Variants in CTNND2 observed in about 807,000 individuals in gnomAD.
The protein encoded by CTNND2 is catenin delta-2.
In CTNND2, 22 loss-of-function variants were observed where a neutral mutation model predicts 144.4. The ratio of observed to expected loss-of-function variants is 0.15; its 90% CI spans 0.11 to 0.22. The LOEUF is 0.22. CTNND2 is among the 10% of genes least tolerant of loss of function. CTNND2 has a pLI of 1.00. For missense variants in CTNND2, 1,353 were observed against 1,618.8 expected, an observed-to-expected ratio of 0.84 and a Z score of 2.82; for synonymous variants, 751 against 695.6, an observed-to-expected ratio of 1.08 and a Z score of -1.25.
chr5:11,275,726 C>A (rs369534822), intron 9 of CTNND2, among the ~76,000 whole-genome samples: 9 of 152,308 alleles, frequency 5.9e-5, no homozygotes, highest in African/African-American at 2.2e-4. Context: ...TCAAGGGAAG[C>A]AAGACTTTGA....
At chr5:11,522,713 T>C (rs1772853600) in intron 3 of CTNND2, among the ~76,000 whole-genome samples, 1 of 152,194 alleles carries the variant, frequency 6.6e-6, no homozygotes, top group Admixed American at 6.5e-5. Flanking sequence ...CATGACAAGA[T>C]GGCAGACAGG....
chr5:11,511,355 C>T (rs375936655), intron 3 of CTNND2, among the ~76,000 whole-genome samples: 1 of 152,122 alleles, frequency 6.6e-6, no homozygotes, highest in African/African-American at 2.4e-5. Flanking sequence ...GATCCAGAGT[C>T]CTGGCTCTGG....
rs141998600 is a variant in CTNND2 at position 11,168,107 on chromosome 5, T to A, written c.1976-8348A>T. Among the ~76,000 whole-genome samples the A allele has an allele frequency of 9.8e-5, 15 of 152,292 alleles. 1 individual carries two copies. The highest frequency in any genetic ancestry group is 7.2e-4 in the Admixed American group (11 of 15,296). On this transcript the variant is annotated intron_variant, in intron 11 of 21. Transcript: ENST00000304623. ...TCAGTTAATATTACAGACAAAAGACTATAATTGACTGATTTTTTTAAAAAT... is the reference window on the plus strand; with the variant it reads ...TCAGTTAATATTACAGACAAAAGACAATAATTGACTGATTTTTTTAAAAAT...
chr5:11,392,278 T>C (rs1373777722), intron 6 of CTNND2, among the ~76,000 whole-genome samples: 1 of 152,178 alleles, frequency 6.6e-6, no homozygotes, highest in Non-Finnish European at 1.5e-5. Flanking sequence ...TATCAGTAAA[T>C]GTTCTGAAAA....
At chr5:11,360,028 A>C (rs1209096683) in intron 8 of CTNND2, among the ~76,000 whole-genome samples, 1 of 152,144 alleles carries the variant, frequency 6.6e-6, no homozygotes, top group Non-Finnish European at 1.5e-5. Context: ...CATTATGGCT[A>C]GGTAGCTTTT....
At chr5:11,209,651 T>C (rs1163398646) in intron 10 of CTNND2, among the ~76,000 whole-genome samples, 1 of 152,196 alleles carries the variant, frequency 6.6e-6, no homozygotes, top group Non-Finnish European at 1.5e-5. Flanking sequence ...AGATATAAGA[T>C]ACTGCTTCAG....
intron 2 of CTNND2, among the ~76,000 whole-genome samples, chr5:11,580,444 A>T (rs1229903716): frequency 6.6e-6 from 1 of 152,240 alleles, no homozygotes; most frequent in Non-Finnish European, 1.5e-5. Flanking sequence ...CAAAATTCAC[A>T]TCTTACCTGC....
chr5:11,578,506 C>G lies in CTNND2; in HGVS notation c.175-13450G>C, dbSNP rs80110423. On this transcript the variant is annotated intron_variant, in intron 2 of 21. Transcript: ENST00000304623. ...TGAAACCCCGTCTCTACTAAAAATA[C>G]AAAAATTAGCCAGGCACGGTGGCAC... Among the ~76,000 whole-genome samples the G allele has an allele frequency of 7.2e-5, 11 of 151,986 alleles. No individual in the cohort carries two copies. In the East Asian group the frequency reaches 1.9e-3, roughly 27 times the overall value.
chr5:11,780,847 A>G (rs1283392058), intron 1 of CTNND2, among the ~76,000 whole-genome samples: 1 of 152,214 alleles, frequency 6.6e-6, no homozygotes, highest in Admixed American at 6.5e-5. Context: ...AATCCTGAGC[A>G]GTGACACAAC....
At chr5:11,058,263 G>A (rs1254651324) in intron 16 of CTNND2, among the ~76,000 whole-genome samples, 1 of 152,214 alleles carries the variant, frequency 6.6e-6, no homozygotes, top group South Asian at 2.1e-4. Context: ...CCACAGGCCT[G>A]GAGGCCTAGG....
At chr5:11,557,808 A>G (rs975619822) in intron 3 of CTNND2, among the ~76,000 whole-genome samples, 6 of 152,200 alleles carry the variant, frequency 3.9e-5, no homozygotes, top group African/African-American at 1.4e-4. Flanking sequence ...GCCTACCTCA[A>G]GCAGCAACGA....
At position 11,090,855 on chromosome 5, in the gene CTNND2, C is replaced by T. The variant is rs111235682; in HGVS notation, c.2637+7720G>A. The stretch of plus-strand genomic sequence containing the variant: ...TGCTGCCTCCCTGTCTTCTCACTGG[C>T]GTTGTTGCTGATAAGAAATCTGCGG... On this transcript the variant is annotated intron_variant, in intron 15 of 21. Transcript: ENST00000304623. Among the ~76,000 whole-genome samples, 1,376 of 151,612 alleles carry T rather than the reference C, an allele frequency of 9.1e-3. 9 individuals carry two copies. Among genetic ancestry groups the T allele is most frequent in the Middle Eastern group, 0.034 (10 of 294 alleles).
At chr5:11,441,552 T>A (rs1038952845) in intron 3 of CTNND2, among the ~76,000 whole-genome samples, 22 of 151,566 alleles carry the variant, frequency 1.5e-4, no homozygotes, top group Middle Eastern at 3.4e-3. Flanking sequence ...CTAATTTTTT[T>A]TTTTTATTTT....
In CTNND2 at chr5:11,299,108, G is replaced by A. The variant is rs569831089; in HGVS notation, c.1628+47264C>T. The stretch of plus-strand genomic sequence containing the variant: ...TATTAGATAATAAAATGATAGTGAC[G>A]CATATCAGTCACCTCTTTAGGCTAC... On this transcript the variant is annotated intron_variant, in intron 9 of 21. Coordinates refer to ENST00000304623, the MANE Select transcript of CTNND2 (RefSeq NM_001332.4). 2.0e-4 allele frequency among the ~76,000 whole-genome samples: 30 copies of A among 152,190 alleles called. 1 individual carries two copies. Among genetic ancestry groups the A allele is most frequent in the Middle Eastern group, 6.8e-3 (2 of 294 alleles).
intron 10 of CTNND2, among the ~76,000 whole-genome samples, chr5:11,225,155 C>T (rs796904470): frequency 2.0e-5 from 3 of 152,316 alleles, no homozygotes; most frequent in African/African-American, 7.2e-5. Flanking sequence ...GTGACCACCA[C>T]ATTCTGGAAA....
intron 11 of CTNND2, among the ~76,000 whole-genome samples, chr5:11,172,907 TAC>T (rs1156432266): frequency 1.3e-5 from 2 of 152,210 alleles, no homozygotes; most frequent in Non-Finnish European, 2.9e-5. Flanking sequence ...GCAAGGACTA[TAC>T]AGTGGAAGTG....
At chr5:11,157,628 C>T (rs1758343656) in intron 12 of CTNND2, among the ~76,000 whole-genome samples, 1 of 152,202 alleles carries the variant, frequency 6.6e-6, no homozygotes, top group Admixed American at 6.5e-5. Context: ...GAAGTCATTT[C>T]TTTAATGTGA....
At chr5:11,187,991 T>C (rs935557229) in intron 11 of CTNND2, among the ~76,000 whole-genome samples, 2 of 152,212 alleles carry the variant, frequency 1.3e-5, no homozygotes, top group African/African-American at 4.8e-5. Flanking sequence ...GGAATGCTTT[T>C]ACACTGCTGG....
chr5:11,700,596 T>C (rs529121109), intron 2 of CTNND2, among the ~76,000 whole-genome samples: 12 of 152,182 alleles, frequency 7.9e-5, no homozygotes, highest in Non-Finnish European at 1.3e-4. Flanking sequence ...TCATCGGCGC[T>C]GTGTGGTTGC....
Sources: gnomAD v4.1 joint callset for allele counts (sites outside exome capture counted in the v4.1 genomes callset) on GRCh38, gnomAD v4.1.1 for gene constraint, MANE v1.5 for transcripts, NCBI Gene and HGNC (gene_info 2026-07-23, HGNC 2026-07-21) for gene names.